Variants in DDX19A observed in about 807,000 individuals in gnomAD.
DDX19A encodes the protein ATP-dependent RNA helicase DDX19A.
A neutral mutation model predicts 60.6 loss-of-function variants in DDX19A; 12 were observed. The observed-to-expected ratio is 0.20, with a 90% confidence interval of 0.13 to 0.32. DDX19A has a LOEUF of 0.32. DDX19A is among the 10% of genes least tolerant of loss of function. The probability of loss-of-function intolerance (pLI) is 1.00; values close to 1 mark genes in which losing one functional copy is unlikely to be tolerated. For missense variants in DDX19A, 337 were observed against 600.6 expected, an observed-to-expected ratio of 0.56 and a Z score of 4.59; for synonymous variants, 206 against 218.2, an observed-to-expected ratio of 0.94 and a Z score of 0.49.
intron 6 of DDX19A, 166 bp from the exon 7 acceptor site, chr16:70,364,851 C>T (rs1284679420): frequency 3.0e-6 from 2 of 676,334 alleles, no homozygotes; most frequent in Non-Finnish European, 5.1e-6. Context: ...TCTGCCAAGC[C>T]AGGGCTACCT....
chr16:70,362,668 C>T (rs1964402471), intron 5 of DDX19A, among the ~76,000 whole-genome samples: 1 of 152,076 alleles, frequency 6.6e-6, no homozygotes, highest in Non-Finnish European at 1.5e-5. Context: ...GCCTCGACCT[C>T]CTGGGCTTAA....
Position 70,346,949 on chromosome 16 carries a change from T to G in DDX19A, c.-43T>G, listed in dbSNP as rs779333848. ...GGTTAGGGCCCGCGTTGCGACGTGG[T>G]GCAGCGCATATTTTCACAAGTGGGT... is the stretch of plus-strand genomic sequence containing the variant. On this transcript the variant is annotated 5_prime_UTR_variant, in exon 1 of 12. Transcript: ENST00000302243. 6.3e-6 allele frequency: 10 copies of G among 1,591,146 alleles called. No homozygotes were observed. Among genetic ancestry groups the G allele is most frequent in the African/African-American group, 1.3e-5 (1 of 74,610 alleles).
Position 70,356,178 on chromosome 16 carries a change from A to G in DDX19A, c.224A>G (p.Gln75Arg). Reference sequence around the variant, plus strand: ...AGCAACCTTGTTGATAACACAAACCAAGTGGAAGTCCTGCAACGGGATCCA... The same window carrying G: ...AGCAACCTTGTTGATAACACAAACCGAGTGGAAGTCCTGCAACGGGATCCA... Reference protein sequence around the residue: ...IRSNLVDNTNQVEVLQRDPNS... With the variant: ...IRSNLVDNTNRVEVLQRDPNS... The change falls in exon 4 of 12, where the codon CAA becomes CGA. Residue 75 changes from glutamine to arginine, a missense_variant. Around this residue, in one of 6 missense-constraint regions of DDX19A, gnomAD observed 127 missense variants for 160.3 expected, o/e 0.79. Coordinates refer to ENST00000302243, the MANE Select transcript of DDX19A (RefSeq NM_018332.5). The G allele has an allele frequency of 6.2e-7, 1 of 1,614,032 alleles. No homozygotes were observed. The highest frequency in any genetic ancestry group is 1.1e-5 in the South Asian group (1 of 91,070).
chr16:70,364,932 T>C, intron 6 of DDX19A, 85 bp from the exon 7 acceptor site: 3 of 1,015,668 alleles, frequency 3.0e-6, no homozygotes, highest in Non-Finnish European at 4.6e-6. Context: ...GCTATTCAAG[T>C]GCTAATAACA....
At chr16:70,369,304 T>C (rs1156614893) in intron 9 of DDX19A, among the ~76,000 whole-genome samples, 3 of 150,128 alleles carry the variant, frequency 2.0e-5, no homozygotes, top group South Asian at 2.1e-4. Context: ...CTCGGCTTCC[T>C]GAGTAGCTGA....
chr16:70,371,648 A>G, intron 11 of DDX19A, 85 bp downstream of exon 11: 1 of 737,268 alleles, frequency 1.4e-6, no homozygotes, highest in Non-Finnish European at 2.2e-6. Context: ...CTGTAGCCCC[A>G]AGAGAGGCTC....
intron 2 of DDX19A, among the ~76,000 whole-genome samples, chr16:70,353,547 G>C (rs1335653739): frequency 6.6e-6 from 1 of 152,006 alleles, no homozygotes; most frequent in Non-Finnish European, 1.5e-5. Flanking sequence ...AATTCTAAAA[G>C]TTTGACTATT....
At chr16:70,365,794 A>T in intron 7 of DDX19A, 1 of 459,912 alleles carries the variant, frequency 2.2e-6, no homozygotes, top group South Asian at 2.2e-5. Context: ...TAAATAAATA[A>T]ATAAACATAA....
intron 9 of DDX19A, among the ~76,000 whole-genome samples, chr16:70,368,133 C>T (rs914239564): frequency 6.6e-6 from 1 of 152,192 alleles, no homozygotes; most frequent in East Asian, 1.9e-4. Flanking sequence ...GCTGTGATCA[C>T]GCCACTGCAC....
intron 9 of DDX19A, among the ~76,000 whole-genome samples, chr16:70,368,566 T>A (rs1222045038): frequency 1.3e-5 from 2 of 151,354 alleles, no homozygotes; most frequent in African/African-American, 4.9e-5. Flanking sequence ...CCACTGCGCC[T>A]GACGCCAAAA....
chr16:70,356,875 G>A (rs1443471483), intron 4 of DDX19A: 1 of 1,275,526 alleles, frequency 7.8e-7, no homozygotes, highest in South Asian at 1.3e-5. Context: ...GCTGACAGGT[G>A]ATTTCTGGAT....
At chr16:70,361,395 C>T (rs757400902) in intron 4 of DDX19A, 23 bp from the exon 5 acceptor site, 7 of 1,562,820 alleles carry the variant, frequency 4.5e-6, no homozygotes, top group Non-Finnish European at 3.5e-6. Flanking sequence ...AGGCATCCAT[C>T]CTCTGTCTTC....
chr16:70,354,717 A>AG (rs1288261483), intron 2 of DDX19A, among the ~76,000 whole-genome samples: 2 of 151,934 alleles, frequency 1.3e-5, no homozygotes, highest in Non-Finnish European at 2.9e-5. Context: ...CCAAGGCAGG[A>AG]GGATTACTTG....
chr16:70,355,382 T>TA lies in DDX19A; in HGVS notation c.107-96dup, dbSNP rs112601181. 8.7e-4 allele frequency: 823 copies of TA among 941,508 alleles called. 4 individuals carry two copies. In the African/African-American group the frequency reaches 0.011, roughly 12 times the overall value. 58.3% of individuals were successfully genotyped at this position (941,508 alleles called of 1,614,324 possible). A position where few individuals can be genotyped will look rare whatever the true frequency, so the allele number is the denominator to read the frequency against. On this transcript the variant is annotated intron_variant, in intron 2 of 11. Transcript: ENST00000302243. Reference sequence around the variant, plus strand: ...CAAGAGGAAAACTCCGTCTGAAAAATAAAAAAATAAAATAAATTTCAGTGT... The same window carrying TA: ...CAAGAGGAAAACTCCGTCTGAAAAATAAAAAAAATAAAATAAATTTCAGTGT...
chr16:70,350,638 G>T, intron 2 of DDX19A, 33 bp downstream of exon 2: 1 of 1,544,762 alleles, frequency 6.5e-7, no homozygotes, highest in South Asian at 1.1e-5. Flanking sequence ...CTAGAAAAGA[G>T]TTCCATGTGG....
rs756980710 is a variant in DDX19A, at chr16:70,356,244, G to C, written c.290G>C (p.Arg97Pro). The change falls in exon 4 of 12, where the codon CGG (arginine) becomes CCG (proline). Residue 97 changes from arginine to proline, a missense_variant. Arg to Pro is a moderately radical substitution (Grantham distance 103). Transcript: ENST00000302243. ...TCGGTGAAGTCGTTTGAAGAGCTTCGGCTGTGAGTATTCGCTCCTTTCAAC... is the reference window on the plus strand; with the variant it reads ...TCGGTGAAGTCGTTTGAAGAGCTTCCGCTGTGAGTATTCGCTCCTTTCAAC... ...LYSVKSFEEL[R>P]LKPQLLQGVY... The C allele has an allele frequency of 3.1e-6, 5 of 1,614,128 alleles. No homozygotes were observed. Among genetic ancestry groups the C allele is most frequent in the Admixed American group, 1.7e-5 (1 of 60,006 alleles).
intron 2 of DDX19A, among the ~76,000 whole-genome samples, chr16:70,353,357 C>T (rs1313015818): frequency 7.3e-5 from 11 of 151,648 alleles, no homozygotes; most frequent in Admixed American, 6.6e-4. Context: ...TCAGGCAATC[C>T]GCTCGCTTGG....
chr16:70,350,430 A>G (rs1488491890), intron 1 of DDX19A, 127 bp from the exon 2 acceptor site: 1 of 587,250 alleles, frequency 1.7e-6, no homozygotes, highest in African/African-American at 1.9e-5. Flanking sequence ...GAGGGAACAA[A>G]CCGACTCCCT....
intron 2 of DDX19A, among the ~76,000 whole-genome samples, chr16:70,352,505 G>A (rs1964048826): frequency 6.6e-6 from 1 of 151,928 alleles, no homozygotes; most frequent in East Asian, 1.9e-4. Context: ...GGTTGGTCTT[G>A]AACTCCTGAC....
Sources: allele counts gnomAD v4.1 joint callset (sites outside exome capture counted in the v4.1 genomes callset), GRCh38; gene constraint gnomAD v4.1.1; regional missense constraint gnomAD v4.1.1; transcripts MANE v1.5; gene names NCBI Gene and HGNC (gene_info 2026-07-23, HGNC 2026-07-21).